Variants in NXPH1 observed in about 807,000 individuals in gnomAD.
NXPH1 encodes neurexophilin-1.
Under a neutral mutation model 23.7 loss-of-function variants are expected in NXPH1, and 5 were observed. The ratio of observed to expected loss-of-function variants is 0.21; its 90% CI spans 0.11 to 0.44. NXPH1 has a LOEUF of 0.44. Ranked by LOEUF, NXPH1 falls within the 20% of genes least tolerant of loss-of-function variation. NXPH1 has a pLI of 0.99. For synonymous variants in NXPH1, 144 were observed against 122.2 expected (o/e 1.18, Z -1.18); for missense variants, 324 against 321.6 (o/e 1.01, Z -0.06).
intron 2 of NXPH1, among the ~76,000 whole-genome samples, chr7:8,450,744 A>G (rs1055406529): frequency 1.1e-4 from 16 of 152,242 alleles, no homozygotes; most frequent in Admixed American, 2.6e-4. Flanking sequence ...AAAAATGTAA[A>G]TAAAATTGCT....
chr7:8,528,426 G>A (rs953033041), intron 2 of NXPH1, among the ~76,000 whole-genome samples: 2 of 152,208 alleles, frequency 1.3e-5, no homozygotes, highest in African/African-American at 2.4e-5. Flanking sequence ...TTGTTTTTCC[G>A]ACAGATTGCA....
chr7:8,539,644 A>G (rs1180002483), intron 2 of NXPH1, among the ~76,000 whole-genome samples: 4 of 151,844 alleles, frequency 2.6e-5, no homozygotes, highest in African/African-American at 7.2e-5. Context: ...TCTCACATTT[A>G]TATACAGATA....
chr7:8,627,187 T>C (rs1232293389), intron 2 of NXPH1, among the ~76,000 whole-genome samples: 1 of 152,120 alleles, frequency 6.6e-6, no homozygotes, highest in East Asian at 1.9e-4. Context: ...GCCATTTTTA[T>C]GTATATTTGA....
At chr7:8,649,734 T>C (rs1347273464) in intron 2 of NXPH1, among the ~76,000 whole-genome samples, 1 of 152,198 alleles carries the variant, frequency 6.6e-6, no homozygotes, top group Non-Finnish European at 1.5e-5. Context: ...AAATTATTGC[T>C]TATAATTTTC....
intron 2 of NXPH1, among the ~76,000 whole-genome samples, chr7:8,511,063 A>G (rs1243059392): frequency 1.3e-5 from 2 of 152,144 alleles, no homozygotes; most frequent in Non-Finnish European, 2.9e-5. Context: ...CCTTATTTTA[A>G]GTAGAACAAT....
intron 2 of NXPH1, among the ~76,000 whole-genome samples, chr7:8,597,721 GCAGTGTGGGGA>G (rs1819257574): frequency 1.7e-5 from 2 of 115,486 alleles, no homozygotes; most frequent in African/African-American, 6.4e-5. Context: ...GGGCGGGGGG[GCAGTGTGGGGA>G]GCAGTAGCTA....
At chr7:8,490,135 A>G (rs1203946457) in intron 2 of NXPH1, among the ~76,000 whole-genome samples, 1 of 152,038 alleles carries the variant, frequency 6.6e-6, no homozygotes, top group Non-Finnish European at 1.5e-5. Context: ...TTGTGCATTC[A>G]AAGTCCACAG....
intron 2 of NXPH1, among the ~76,000 whole-genome samples, chr7:8,625,218 A>G (rs1285627601): frequency 6.6e-6 from 1 of 152,190 alleles, no homozygotes; most frequent in Admixed American, 6.6e-5. Context: ...GCATTTTGAC[A>G]TAAGCAAAAT....
intron 2 of NXPH1, among the ~76,000 whole-genome samples, chr7:8,658,352 A>G (rs1288218273): frequency 6.6e-6 from 1 of 152,196 alleles, no homozygotes; most frequent in Admixed American, 6.5e-5. Flanking sequence ...TGATTAGTGA[A>G]CACATTTCCA....
At chr7:8,600,252 C>A (rs1373928746) in intron 2 of NXPH1, among the ~76,000 whole-genome samples, 1 of 152,030 alleles carries the variant, frequency 6.6e-6, no homozygotes, top group Non-Finnish European at 1.5e-5. Flanking sequence ...CCTTGGAAAC[C>A]CATGCCAGTG....
At chr7:8,536,622 T>A (rs1818030630) in intron 2 of NXPH1, among the ~76,000 whole-genome samples, 1 of 151,716 alleles carries the variant, frequency 6.6e-6, no homozygotes, top group Non-Finnish European at 1.5e-5. Flanking sequence ...AAAAAGGAAG[T>A]GACGTCATTG....
intron 2 of NXPH1, among the ~76,000 whole-genome samples, chr7:8,557,250 G>A (rs1309764485): frequency 2.0e-5 from 3 of 151,004 alleles, no homozygotes; most frequent in Non-Finnish European, 4.4e-5. Flanking sequence ...TCTTAAAAGG[G>A]CATGCATTGT....
intron 2 of NXPH1, among the ~76,000 whole-genome samples, chr7:8,453,745 A>G (rs1816545344): frequency 6.6e-6 from 1 of 152,042 alleles, no homozygotes; most frequent in African/African-American, 2.4e-5. Flanking sequence ...CTGCAAAGGA[A>G]ATGATCTTGT....
chr7:8,463,407 G>A (rs1563317583), intron 2 of NXPH1, among the ~76,000 whole-genome samples: 1 of 151,028 alleles, frequency 6.6e-6, no homozygotes. Flanking sequence ...TATAAACAGT[G>A]TTGCAATGAC....
At chr7:8,619,468 C>G (rs1413471430) in intron 2 of NXPH1, among the ~76,000 whole-genome samples, 1 of 152,180 alleles carries the variant, frequency 6.6e-6, no homozygotes. Flanking sequence ...ATGTTCAATG[C>G]TCTTTCAGAT....
chr7:8,708,809 T>C (rs1247415805), intron 2 of NXPH1, among the ~76,000 whole-genome samples: 1 of 152,204 alleles, frequency 6.6e-6, no homozygotes, highest in Non-Finnish European at 1.5e-5. Context: ...AGCAAGAACA[T>C]CCTTGATATT....
At chr7:8,662,186 A>ACACACC (rs34222218) in intron 2 of NXPH1, among the ~76,000 whole-genome samples, 1 of 17,718 alleles carries the variant, frequency 5.6e-5, no homozygotes, top group East Asian at 0.5. Context: ...ATATATATAT[A>ACACACC]TATACACACA....
At chr7:8,668,402 C>A (rs1372525906) in intron 2 of NXPH1, among the ~76,000 whole-genome samples, 1 of 152,056 alleles carries the variant, frequency 6.6e-6, no homozygotes, top group Non-Finnish European at 1.5e-5. Context: ...TCTAGGCAGG[C>A]CATTTGCTAC....
rs891595811 is a variant in NXPH1 at position 8,434,952 on chromosome 7, A to G, written c.-111+197A>G. The stretch of plus-strand genomic sequence containing the variant: ...CCTTTGGCTCGAAAAAAGTAGTGCT[A>G]GAGATGTGACTGTGAGCATTCGTGG... On this transcript the variant is annotated intron_variant, in intron 1 of 2. Coordinates refer to ENST00000405863, the MANE Select transcript of NXPH1 (RefSeq NM_152745.3). The surrounding 1 kb of genome is among the most constrained non-coding windows in gnomAD (Gnocchi z 7.6). The G allele has an allele frequency of 3.9e-5, 6 of 152,222 alleles. No individual in the cohort carries two copies. The highest frequency in any genetic ancestry group is 1.2e-4 in the African/African-American group (5 of 41,396). 9.4% of individuals were successfully genotyped at this position (152,222 alleles called of 1,614,324 possible). A position where few individuals can be genotyped will look rare whatever the true frequency, so the allele number is the denominator to read the frequency against.
Sources: gnomAD v4.1 joint callset for allele counts (sites outside exome capture counted in the v4.1 genomes callset) on GRCh38, gnomAD v4.1.1 for gene constraint, Gnocchi (gnomAD v3.1) non-coding constraint, MANE v1.5 for transcripts, NCBI Gene and HGNC (gene_info 2026-07-23, HGNC 2026-07-21) for gene names.